FTO: variants seen among roughly 807,000 people sequenced by gnomAD.
FTO encodes alpha-ketoglutarate-dependent dioxygenase FTO.
Under a neutral mutation model 63.9 loss-of-function variants are expected in FTO, and 47 were observed. That is an observed-to-expected ratio of 0.74 (90% confidence interval 0.58 to 0.94). FTO has a LOEUF of 0.94. Among genes scored for constraint, FTO ranks in the 40% least tolerant of loss-of-function variants. The probability of loss-of-function intolerance (pLI) is 0.00; values close to 1 mark genes in which losing one functional copy is unlikely to be tolerated. For synonymous variants in FTO, 207 were observed against 224.4 expected (o/e 0.92, Z 0.69); for missense variants, 562 against 618.1 (o/e 0.91, Z 0.96).
chr16:53,760,885 C>T (rs2077051035), intron 1 of FTO, among the ~76,000 whole-genome samples: 1 of 152,006 alleles, frequency 6.6e-6, no homozygotes, highest in Non-Finnish European at 1.5e-5. Context: ...CCTTGGCCTC[C>T]CAAAGTGCTG....
chr16:53,712,931 A>G (rs1264989720), intron 1 of FTO, among the ~76,000 whole-genome samples: 2 of 152,108 alleles, frequency 1.3e-5, no homozygotes, highest in Non-Finnish European at 2.9e-5. Flanking sequence ...AGTCTCCAAA[A>G]AAGTAGAGAT....
At chr16:53,804,024 TAAC>T (rs941145692) in intron 1 of FTO, among the ~76,000 whole-genome samples, 1 of 152,164 alleles carries the variant, frequency 6.6e-6, no homozygotes, top group African/African-American at 2.4e-5. Context: ...CATGAGTAAA[TAAC>T]AACAACGAAT....
chr16:53,735,097 C>T (rs1206964874), intron 1 of FTO, among the ~76,000 whole-genome samples: 1 of 152,174 alleles, frequency 6.6e-6, no homozygotes, highest in Non-Finnish European at 1.5e-5. Context: ...AGTAGGCAGC[C>T]AATGGCTTCT....
At chr16:53,787,775 G>A (rs925203991) in intron 1 of FTO, among the ~76,000 whole-genome samples, 1 of 152,118 alleles carries the variant, frequency 6.6e-6, no homozygotes, top group Admixed American at 6.5e-5. Context: ...GTTAAATCAA[G>A]CCAATAAATA....
At chr16:53,707,680 G>A (rs935486243) in intron 1 of FTO, among the ~76,000 whole-genome samples, 1 of 152,152 alleles carries the variant, frequency 6.6e-6, no homozygotes, top group Non-Finnish European at 1.5e-5. Context: ...TTTCAGTGAT[G>A]ACTAATGAGG....
chr16:53,850,346 T>C (rs758842666), intron 4 of FTO, among the ~76,000 whole-genome samples: 7 of 152,150 alleles, frequency 4.6e-5, no homozygotes, highest in Non-Finnish European at 7.3e-5. Flanking sequence ...ATTTTTTTTT[T>C]TTTCCAGGGA....
chr16:54,032,057 A>G (rs888420722), intron 8 of FTO, among the ~76,000 whole-genome samples: 3 of 152,210 alleles, frequency 2.0e-5, no homozygotes, highest in Non-Finnish European at 4.4e-5. Context: ...GAAGCCTTCA[A>G]AGGTTTCCGA....
intron 7 of FTO, among the ~76,000 whole-genome samples, chr16:53,932,895 C>G (rs1190556450): frequency 6.6e-6 from 1 of 152,066 alleles, no homozygotes; most frequent in Admixed American, 6.6e-5. Flanking sequence ...GTCTGAAATC[C>G]TGGAAAAGAA....
intron 8 of FTO, among the ~76,000 whole-genome samples, chr16:53,953,856 A>G (rs1173376676): frequency 6.6e-6 from 1 of 152,224 alleles, no homozygotes; most frequent in Non-Finnish European, 1.5e-5. Flanking sequence ...TTATAGGTAC[A>G]GTGTCCATTC....
intron 7 of FTO, among the ~76,000 whole-genome samples, chr16:53,925,825 T>G (rs566854776): frequency 6.6e-6 from 1 of 152,168 alleles, no homozygotes; most frequent in Non-Finnish European, 1.5e-5. Flanking sequence ...TTAGGTGAAT[T>G]GCTGAGTTTT....
At chr16:53,883,681 G>C (rs972287346) in intron 6 of FTO, among the ~76,000 whole-genome samples, 1 of 150,168 alleles carries the variant, frequency 6.7e-6, no homozygotes, top group African/African-American at 2.5e-5. Flanking sequence ...GTGACTGGCT[G>C]CTTTTGATAT....
chr16:53,721,585 A>G (rs555046809), intron 1 of FTO, among the ~76,000 whole-genome samples: 9 of 152,140 alleles, frequency 5.9e-5, no homozygotes, highest in Non-Finnish European at 1.2e-4. Context: ...TGATAATTGT[A>G]TCAAGTAAGT....
chr16:53,991,166 G>C, intron 8 of FTO: 1 of 152,136 alleles, frequency 6.6e-6, no homozygotes, highest in East Asian at 1.9e-4. Flanking sequence ...ACCCTCTTCT[G>C]TAACCCAAAT....
intron 6 of FTO, among the ~76,000 whole-genome samples, chr16:53,884,407 T>C (rs2080942851): frequency 6.6e-6 from 1 of 152,204 alleles, no homozygotes; most frequent in Non-Finnish European, 1.5e-5. Flanking sequence ...TTATAACTAC[T>C]GCAAAAGGGC....
At chr16:53,724,878 G>A (rs2076120128) in intron 1 of FTO, among the ~76,000 whole-genome samples, 1 of 152,276 alleles carries the variant, frequency 6.6e-6, no homozygotes, top group South Asian at 2.1e-4. Flanking sequence ...TCTATTTCCT[G>A]TAGTATAGGA....
intron 6 of FTO, among the ~76,000 whole-genome samples, chr16:53,884,987 A>G (rs1027402591): frequency 6.6e-6 from 1 of 152,142 alleles, no homozygotes; most frequent in Non-Finnish European, 1.5e-5. Flanking sequence ...CTGCTGTGTT[A>G]GCTATGAGCA....
rs79476304 is a variant in FTO at position 53,754,012 on chromosome 16, A to T, written c.45+49783A>T. ...CATTTAATTTTTATATCTTGCCTGT[A>T]TCGTTAGAGAACGGGGTTTGGAGGT... On this transcript the variant is annotated intron_variant, in intron 1 of 8. Coordinates refer to ENST00000471389, the MANE Select transcript of FTO (RefSeq NM_001080432.3). Among the ~76,000 whole-genome samples, 399 of 152,300 alleles carry T rather than the reference A, an allele frequency of 2.6e-3. 19 individuals carry two copies. The East Asian group carries it at 0.069, about 26-fold the overall frequency.
chr16:53,962,639 G>A (rs1312951268), intron 8 of FTO, among the ~76,000 whole-genome samples: 2 of 152,166 alleles, frequency 1.3e-5, no homozygotes, highest in African/African-American at 2.4e-5. Flanking sequence ...ATAGACAACT[G>A]TAATTTGAAT....
At chr16:54,061,989 A>T (rs970273145) in intron 8 of FTO, among the ~76,000 whole-genome samples, 2 of 152,114 alleles carry the variant, frequency 1.3e-5, no homozygotes, top group Admixed American at 6.5e-5. Context: ...TGATGCCTTT[A>T]TTTTGGTGTG....
Sources: allele counts gnomAD v4.1 joint callset (sites outside exome capture counted in the v4.1 genomes callset), GRCh38; gene constraint gnomAD v4.1.1; transcripts MANE v1.5; gene names NCBI Gene and HGNC (gene_info 2026-07-23, HGNC 2026-07-21).